PCDHGB2: variants seen among roughly 807,000 people sequenced by gnomAD.
PCDHGB2 encodes the protein protocadherin gamma-B2.
A neutral mutation model predicts 59.3 loss-of-function variants in PCDHGB2; 55 were observed. That is an observed-to-expected ratio of 0.93 (90% CI 0.75 to 1.16). The LOEUF is 1.16. Among genes scored for constraint, PCDHGB2 ranks in the 50% most tolerant of loss-of-function variants. The probability of loss-of-function intolerance (pLI) is 0.00; values close to 1 mark genes in which losing one functional copy is unlikely to be tolerated. For synonymous variants in PCDHGB2, 516 were observed against 512.0 expected, an observed-to-expected ratio of 1.01 and a Z score of -0.11; for missense variants, 1,228 against 1,198.5, an observed-to-expected ratio of 1.02 and a Z score of -0.36.
chr5:141,450,842 T>TTTTTA, intron 1 of PCDHGB2, among the ~76,000 whole-genome samples: 1 of 148,196 alleles, frequency 6.7e-6, no homozygotes, highest in African/African-American at 2.5e-5. Context: ...TTTTTTTTTT[T>TTTTTA]GAGATGGGGT....
Position 141,486,070 on chromosome 5 carries a change from T to C in PCDHGB2, c.2422-8737T>C. ...ACCTCTTTAGCCTGCACCCCACTAC[T>C]GGAAAGCTTACTCTTTTGGGGCCCC... On this transcript the variant is annotated intron_variant, in intron 1 of 3. Coordinates refer to ENST00000522605, the MANE Select transcript of PCDHGB2 (RefSeq NM_018923.3). The surrounding 1 kb of genome is among the most constrained non-coding windows in gnomAD (Gnocchi z 5.0). 6.2e-7 allele frequency: 1 copy of C among 1,614,158 alleles called. No homozygotes were observed. The highest frequency in any genetic ancestry group is 8.5e-7 in the Non-Finnish European group (1 of 1,180,010).
chr5:141,447,356 C>T (rs1158878203), intron 1 of PCDHGB2, among the ~76,000 whole-genome samples: 4 of 152,000 alleles, frequency 2.6e-5, no homozygotes, highest in African/African-American at 9.7e-5. Context: ...TCAGGCTGGT[C>T]TCAAACTCCT....
At chr5:141,497,733 T>G (rs2099779006) in intron 2 of PCDHGB2, among the ~76,000 whole-genome samples, 2 of 152,078 alleles carry the variant, frequency 1.3e-5, no homozygotes, top group Non-Finnish European at 2.9e-5. Context: ...AGAGATGGGT[T>G]TCGCCACGTT....
rs769351399 is a variant in PCDHGB2, at chr5:141,432,649, A to G, written c.2422-62158A>G. The G allele has an allele frequency of 6.2e-7, 1 of 1,613,742 alleles. No homozygotes were observed. The highest frequency in any genetic ancestry group is 1.1e-5 in the South Asian group (1 of 91,054). ...ACACGGGCGAGGTGCGCACGGCGCG[A>G]GCCCTGCTGGACAGAGACGCGCTCA... is the stretch of plus-strand genomic sequence containing the variant. On this transcript the variant is annotated intron_variant, in intron 1 of 3. Coordinates refer to ENST00000522605, the MANE Select transcript of PCDHGB2 (RefSeq NM_018923.3). The surrounding 1 kb of genome is among the most constrained non-coding windows in gnomAD (Gnocchi z 6.0).
At chr5:141,414,570 C>T in intron 1 of PCDHGB2, 1 of 1,613,980 alleles carries the variant, frequency 6.2e-7, no homozygotes. Context: ...TTACCTATAT[C>T]CCAGAGAACA....
At chr5:141,468,324 C>T (rs1301315098) in intron 1 of PCDHGB2, 1 of 127,722 alleles carries the variant, frequency 7.8e-6, no homozygotes, top group Non-Finnish European at 1.6e-5. Context: ...ACGGTAAACT[C>T]CATCTCAAAA....
chr5:141,418,908 C>G, intron 1 of PCDHGB2: 3 of 1,613,932 alleles, frequency 1.9e-6, no homozygotes, highest in Non-Finnish European at 2.5e-6. Flanking sequence ...ATAATCATCA[C>G]GTCACTCTCT....
rs70988800 is a variant in PCDHGB2 at position 141,379,889 on chromosome 5, C to CTTTTTTTTTTTTTTTTTTTTTTTT, written c.2421+17340_2421+17363dup. Among the ~76,000 whole-genome samples, 49 of 50,830 alleles carry CTTTTTTTTTTTTTTTTTTTTTTTT rather than the reference C, an allele frequency of 9.6e-4. 5 individuals are homozygous for CTTTTTTTTTTTTTTTTTTTTTTTT. The highest frequency in any genetic ancestry group is 1.6e-3 in the Non-Finnish European group (41 of 25,880). 33.3% of individuals were successfully genotyped at this position (50,830 alleles called of 152,430 possible). ...CTTATTTTATGGTCTGTGAAAGCCT[C>CTTTTTTTTTTTTTTTTTTTTTTTT]TTTTTTTTTTTTTTTTTTTTTTTTT... On this transcript the variant is annotated intron_variant, in intron 1 of 3. Coordinates refer to ENST00000522605, the MANE Select transcript of PCDHGB2 (RefSeq NM_018923.3).
intron 1 of PCDHGB2, chr5:141,376,748 G>A (rs1210343016): frequency 4.3e-6 from 2 of 467,530 alleles, no homozygotes; most frequent in Non-Finnish European, 7.4e-6. Flanking sequence ...CTGCAGTGGC[G>A]CAATCTCGGC....
chr5:141,439,556 C>A (rs543620281), intron 1 of PCDHGB2, among the ~76,000 whole-genome samples: 1 of 152,268 alleles, frequency 6.6e-6, no homozygotes, highest in East Asian at 1.9e-4. Context: ...CTTCAGGCTG[C>A]AGTTCTAGAG....
At chr5:141,386,154 A>T (rs1211383292) in intron 1 of PCDHGB2, among the ~76,000 whole-genome samples, 2 of 152,222 alleles carry the variant, frequency 1.3e-5, no homozygotes, top group Non-Finnish European at 2.9e-5. Context: ...CAACTGTCTC[A>T]CGTACTCAAA....
At chr5:141,405,326 T>TGC in intron 1 of PCDHGB2, 1 of 1,614,220 alleles carries the variant, frequency 6.2e-7, no homozygotes, top group Non-Finnish European at 8.5e-7. Flanking sequence ...TGAGCCTTTG[T>TGC]GCGTCTCTGT....
At chr5:141,407,535 T>C (rs1471174995) in intron 1 of PCDHGB2, among the ~76,000 whole-genome samples, 1 of 151,840 alleles carries the variant, frequency 6.6e-6, no homozygotes, top group Non-Finnish European at 1.5e-5. Context: ...TTATTGTGCA[T>C]TGGTAACAGA....
At chr5:141,482,338 T>C (rs2099556539) in intron 1 of PCDHGB2, among the ~76,000 whole-genome samples, 1 of 152,156 alleles carries the variant, frequency 6.6e-6, no homozygotes, top group African/African-American at 2.4e-5. Context: ...ATATCTACTT[T>C]GCAAACTTGT....
intron 1 of PCDHGB2, chr5:141,409,054 T>TA: frequency 6.2e-7 from 1 of 1,614,028 alleles, no homozygotes; most frequent in African/African-American, 1.3e-5. Flanking sequence ...TCCGAAGCAC[T>TA]GCCCAGAGCA....
chr5:141,422,263 C>T lies in PCDHGB2; in HGVS notation c.2421+59707C>T, dbSNP rs755271863. On this transcript the variant is annotated intron_variant, in intron 1 of 3. Transcript: ENST00000522605. ...TGTTGTGGATGTGAATGATAACGCT[C>T]CAGAAATAACTATCACCTCTTCTAT... is the stretch of plus-strand genomic sequence containing the variant. 1.0e-5 allele frequency: 16 copies of T among 1,563,686 alleles called. No individual in the cohort carries two copies. The South Asian group carries it at 1.7e-4, about 17-fold the overall frequency.
intron 1 of PCDHGB2, chr5:141,410,258 G>T: frequency 6.2e-7 from 1 of 1,614,022 alleles, no homozygotes; most frequent in Non-Finnish European, 8.5e-7. Flanking sequence ...TGACCCCCAG[G>T]CTGAACTGCA....
chr5:141,388,448 C>CA, intron 1 of PCDHGB2: 1 of 1,613,760 alleles, frequency 6.2e-7, no homozygotes, highest in Non-Finnish European at 8.5e-7. Context: ...AATCAGATGG[C>CA]AGTAAATACC....
intron 2 of PCDHGB2, among the ~76,000 whole-genome samples, chr5:141,501,200 G>A (rs888856586): frequency 1.3e-5 from 2 of 151,854 alleles, no homozygotes; most frequent in African/African-American, 4.8e-5. Context: ...AATTCAGGGT[G>A]TTGTCAGGGT....
Sources: gnomAD v4.1 joint callset for allele counts (sites outside exome capture counted in the v4.1 genomes callset) on GRCh38, gnomAD v4.1.1 for gene constraint, Gnocchi (gnomAD v3.1) non-coding constraint, MANE v1.5 for transcripts, NCBI Gene and HGNC (gene_info 2026-07-23, HGNC 2026-07-21) for gene names.